The following ZGRF1 variants were observed in gnomAD, a reference collection of about 807,000 sequenced individuals.
ZGRF1 encodes the protein 5'-3' DNA helicase ZGRF1.
ZGRF1 carries 196 observed loss-of-function variants against 203.5 expected under a neutral mutation model. The ratio of observed to expected loss-of-function variants is 0.96; its 90% CI spans 0.86 to 1.08. The LOEUF is 1.08. Among genes scored for constraint, ZGRF1 ranks in the 50% least tolerant of loss-of-function variants. The pLI, the probability that ZGRF1 is intolerant of heterozygous loss-of-function variation, is 0.00. For synonymous variants in ZGRF1, 809 were observed against 841.3 expected (o/e 0.96, Z 0.66); for missense variants, 2,326 against 2,416.3 (o/e 0.96, Z 0.78).
intron 22 of ZGRF1, among the ~76,000 whole-genome samples, chr4:112,549,113 C>CAAAAAA (rs771730607): frequency 5.9e-5 from 1 of 16,822 alleles, no homozygotes; most frequent in Non-Finnish European, 1.1e-4. Context: ...GACTCCGTCT[C>CAAAAAA]AAAAAAAAAA....
At position 112,617,730 on chromosome 4, in the gene ZGRF1, T is replaced by A. The variant is rs1027260279; in HGVS notation, c.2312A>T (p.Lys771Met). ...SNSLFYPLGK[K>M]HLISKDTEAH... ...TTCTGTGTCTTTGGAAATAAGATGCTTTTTTCCCAGTGGGTAAAACAAAGA... is the reference window on the plus strand; with the variant it reads ...TTCTGTGTCTTTGGAAATAAGATGCATTTTTCCCAGTGGGTAAAACAAAGA... The change falls in exon 6 of 28, where the codon AAG (lysine) becomes ATG (methionine). Residue 771 changes from lysine (K) to methionine (M), a missense_variant. Lys to Met is a moderately conservative substitution (Grantham distance 95). Transcript: ENST00000505019. The A allele has an allele frequency of 3.7e-6, 6 of 1,614,108 alleles. No individual in the cohort carries two copies. Among genetic ancestry groups the A allele is most frequent in the Non-Finnish European group, 5.1e-6 (6 of 1,179,984 alleles).
At chr4:112,614,339 G>A (rs1395688100) in intron 6 of ZGRF1, among the ~76,000 whole-genome samples, 1 of 152,214 alleles carries the variant, frequency 6.6e-6, no homozygotes, top group Non-Finnish European at 1.5e-5. Context: ...CCCCAAATCA[G>A]TATTTGCTAT....
At chr4:112,592,901 G>A (rs1442930336) in intron 10 of ZGRF1, among the ~76,000 whole-genome samples, 1 of 152,160 alleles carries the variant, frequency 6.6e-6, no homozygotes, top group Non-Finnish European at 1.5e-5. Context: ...TCATAAGAGT[G>A]GGGCCCTTAC....
At chr4:112,628,939 A>G (rs2149203722) in intron 3 of ZGRF1, 2 of 362,422 alleles carry the variant, frequency 5.5e-6, no homozygotes, top group South Asian at 4.4e-5. Flanking sequence ...TAAAAAAAAT[A>G]TGGATATGCA....
In ZGRF1 at chr4:112,612,508, G is replaced by GAA; in HGVS notation, c.2667+14_2667+15dup. 1.3e-6 allele frequency: 2 copies of GAA among 1,536,968 alleles called. No homozygotes were observed. The highest frequency in any genetic ancestry group is 1.8e-6 in the Non-Finnish European group (2 of 1,122,806). On this transcript the variant is annotated intron_variant, in intron 7 of 27. Coordinates refer to ENST00000505019, the MANE Select transcript of ZGRF1 (RefSeq NM_018392.5). ...TCAAAATAAAAAAAACATACTCTTAGAAAAAAAACCTGTACCTGTTGAGAA... is the reference window on the plus strand; with the variant it reads ...TCAAAATAAAAAAAACATACTCTTAGAAAAAAAAAACCTGTACCTGTTGAGAA...
Position 112,581,797 on chromosome 4 carries a change from C to A in ZGRF1, c.4304G>T (p.Gly1435Val). The change falls in exon 16 of 28, where the codon GGA becomes GTA. Residue 1435 changes from glycine to valine, a missense_variant. Transcript: ENST00000505019. ...ATACTGTTTTCTCTGAAAATCAAAT[C>A]CTTTTCTGAAAAGGGAATAAAAAAT... is the stretch of plus-strand genomic sequence containing the variant. ...YEECQLLVRK[G>V]FDFQRKQYGK... 1.5e-6 allele frequency: 2 copies of A among 1,376,190 alleles called. No homozygotes were observed. Among genetic ancestry groups the A allele is most frequent in the South Asian group, 1.6e-5 (1 of 62,148 alleles). The allele number at this position is 1,376,190 out of a possible 1,614,324, so 85.2% of individuals were successfully genotyped here. A position where few individuals can be genotyped will look rare whatever the true frequency, so the allele number is the denominator to read the frequency against.
In ZGRF1 at chr4:112,585,627, G is replaced by A; in HGVS notation, c.4015C>T (p.Leu1339=). 3 of 1,610,174 alleles carry A rather than the reference G, an allele frequency of 1.9e-6. No individual in the cohort carries two copies. Among genetic ancestry groups the A allele is most frequent in the Non-Finnish European group, 2.5e-6 (3 of 1,178,590 alleles). ...SFYTSLKGEK[L]KNAENNVPSC... ...GGTACATTATTTTCTGCGTTTTTCAGTTTCTCTCCCTTCAATGATGTATAA... is the reference window on the plus strand; with the variant it reads ...GGTACATTATTTTCTGCGTTTTTCAATTTCTCTCCCTTCAATGATGTATAA... The change falls in exon 14 of 28, where the codon CTG becomes TTG. Residue 1339 remains leucine, a synonymous_variant. Transcript: ENST00000505019.
At chr4:112,540,763 G>C in intron 26 of ZGRF1, 58 bp downstream of exon 26, 1 of 1,350,698 alleles carries the variant, frequency 7.4e-7, no homozygotes. Context: ...TATCAAATAT[G>C]GTAATATGTA....
chr4:112,556,252 T>C (rs1432866150), intron 20 of ZGRF1, among the ~76,000 whole-genome samples: 3 of 152,214 alleles, frequency 2.0e-5, no homozygotes, highest in African/African-American at 7.2e-5. Context: ...CAGAAATGGA[T>C]ACAGAGTTTT....
chr4:112,636,369 A>C, intron 1 of ZGRF1, among the ~76,000 whole-genome samples: 1 of 152,228 alleles, frequency 6.6e-6, no homozygotes, highest in East Asian at 1.9e-4. Context: ...ATGAGCCATT[A>C]TTCATTTAAA....
intron 18 of ZGRF1, 22 bp downstream of exon 18, chr4:112,562,341 CCAATGACT>C (rs1476135475): frequency 8.5e-7 from 1 of 1,175,092 alleles, no homozygotes; most frequent in East Asian, 2.4e-5. Flanking sequence ...TTTTTTAATA[CCAATGACT>C]CAAAGGTAAA....
chr4:112,559,679 T>A (rs1741575949), intron 19 of ZGRF1, among the ~76,000 whole-genome samples: 1 of 152,244 alleles, frequency 6.6e-6, no homozygotes, highest in Non-Finnish European at 1.5e-5. Context: ...TTAACTCATT[T>A]AATCCTCCAA....
chr4:112,583,622 A>G (rs1240095039), intron 15 of ZGRF1, among the ~76,000 whole-genome samples: 1 of 152,090 alleles, frequency 6.6e-6, no homozygotes, highest in Non-Finnish European at 1.5e-5. Context: ...CCTGGGCAAC[A>G]TAGCAAGACC....
chr4:112,539,704 C>T lies in ZGRF1; in HGVS notation c.6173-15G>A, dbSNP rs148546080. 15,810 of 1,585,418 alleles carry T rather than the reference C, an allele frequency of 1.0e-2. 111 individuals carry two copies. Among genetic ancestry groups the T allele is most frequent in the Non-Finnish European group, 0.011 (13,139 of 1,166,636 alleles). The stretch of plus-strand genomic sequence containing the variant: ...ATCTTCCCTTCCTTAAAAAAACATA[C>T]GACATGAGACAACTATTCTTTATTT... On this transcript the variant is annotated splice_polypyrimidine_tract_variant and intron_variant, in intron 27 of 27. Coordinates refer to ENST00000505019, the MANE Select transcript of ZGRF1 (RefSeq NM_018392.5).
chr4:112,566,688 G>C (rs997774390), intron 16 of ZGRF1, among the ~76,000 whole-genome samples: 1 of 152,082 alleles, frequency 6.6e-6, no homozygotes, highest in African/African-American at 2.4e-5. Flanking sequence ...GTGGGGAACA[G>C]AGAGAGAAGT....
At position 112,581,777 on chromosome 4, in the gene ZGRF1, GT is replaced by G; in HGVS notation, c.4323del (p.Lys1441AsnfsTer6). Reference protein sequence around the residue: ...LVRKGFDFQRKQYGKLKKFTT... With the variant: ...LVRKGFDFQRXQYGKLKKFTT... ...GTAAACTTCTTTAGTTTGCCATACT[GT>G]TTTCTCTGAAAATCAAATCCTTTTC... On this transcript the variant is annotated frameshift_variant, in exon 16 of 28. Transcript: ENST00000505019. LOFTEE classifies it high-confidence loss of function. 1 of 1,458,628 alleles carries G rather than the reference GT, an allele frequency of 6.9e-7. No homozygotes were observed. Among genetic ancestry groups the G allele is most frequent in the Non-Finnish European group, 9.2e-7 (1 of 1,091,164 alleles). 90.4% of individuals were successfully genotyped at this position (1,458,628 alleles called of 1,614,324 possible).
chr4:112,587,595 T>C lies in ZGRF1; in HGVS notation c.3462A>G (p.Gln1154=), dbSNP rs369351043. 8 of 1,613,890 alleles carry C rather than the reference T, an allele frequency of 5.0e-6. No homozygotes were observed. In the African/African-American group the frequency reaches 8.0e-5, roughly 16 times the overall value. Residue 1154 remains glutamine (Q), a synonymous_variant, in exon 12 of 28, where the codon CAA becomes CAG. Transcript: ENST00000505019. Reference sequence around the variant, plus strand: ...CTCTGTTTGGAGTAGCCACGTTGCATTGGGATGTGTTTTGATATTTCAGCC... The same window carrying C: ...CTCTGTTTGGAGTAGCCACGTTGCACTGGGATGTGTTTTGATATTTCAGCC... ...SKWLKYQNTS[Q]CNVATPNRVD... is the part of the protein sequence containing the mutation.
At position 112,606,110 on chromosome 4, in the gene ZGRF1, A is replaced by G. The variant is rs1264577465; in HGVS notation, c.2719-19T>C. The G allele has an allele frequency of 7.1e-7, 1 of 1,406,376 alleles. No individual in the cohort carries two copies. Among genetic ancestry groups the G allele is most frequent in the East Asian group, 2.3e-5 (1 of 43,828 alleles). The allele number at this position is 1,406,376 out of a possible 1,614,324, so 87.1% of individuals were successfully genotyped here. ...AAGAGAACTAGGATAAAATATGAAT[A>G]AGTTATCTAGTTAGCTAGAATAGTT... On this transcript the variant is annotated intron_variant, in intron 8 of 27. Coordinates refer to ENST00000505019, the MANE Select transcript of ZGRF1 (RefSeq NM_018392.5).
At chr4:112,558,089 G>T in intron 20 of ZGRF1, 61 bp downstream of exon 20, 1 of 1,387,370 alleles carries the variant, frequency 7.2e-7, no homozygotes, top group Non-Finnish European at 1.0e-6. Context: ...GCCCATAGTG[G>T]GTTGCCTCTC....
Sources: allele counts gnomAD v4.1 joint callset (sites outside exome capture counted in the v4.1 genomes callset), GRCh38; gene constraint gnomAD v4.1.1; transcripts MANE v1.5; gene names NCBI Gene and HGNC (gene_info 2026-07-23, HGNC 2026-07-21).